The following TMIGD1 variants were observed in gnomAD, a reference collection of about 807,000 sequenced individuals.
The protein encoded by TMIGD1 is transmembrane and immunoglobulin domain-containing protein 1.
Under a neutral mutation model 27.5 loss-of-function variants are expected in TMIGD1, and 29 were observed. The observed-to-expected ratio is 1.05, with a 90% CI of 0.78 to 1.44. The LOEUF is 1.44. Among genes scored for constraint, TMIGD1 ranks in the 40% most tolerant of loss-of-function variants. The probability of loss-of-function intolerance (pLI) is 0.00; values close to 1 mark genes in which losing one functional copy is unlikely to be tolerated. For missense variants in TMIGD1, 334 were observed against 310.6 expected, an observed-to-expected ratio of 1.08 and a Z score of -0.57; for synonymous variants, 109 against 110.3, an observed-to-expected ratio of 0.99 and a Z score of 0.07.
Position 30,333,582 on chromosome 17 carries a change from C to T in TMIGD1, c.-26+418G>A, listed in dbSNP as rs550265545. 1.9e-4 allele frequency among the ~76,000 whole-genome samples: 29 copies of T among 152,308 alleles called. No individual in the cohort carries two copies. In the East Asian group the frequency reaches 5.0e-3, roughly 26 times the overall value. ...TATACCTATACCTACTCTACTCCTC[C>T]CCTGTCCCAGGCGTGCCCTGACAGG... On this transcript the variant is annotated intron_variant, in intron 1 of 6. Transcript: ENST00000328886.
At chr17:30,332,289 G>T in intron 1 of TMIGD1, 131 bp from the exon 2 acceptor site, 1 of 532,792 alleles carries the variant, frequency 1.9e-6, no homozygotes. Flanking sequence ...ACTACTTCTA[G>T]CTTTTAATTA....
At chr17:30,331,981 C>T in intron 2 of TMIGD1, 71 bp downstream of exon 2, 3 of 965,816 alleles carry the variant, frequency 3.1e-6, no homozygotes, top group Admixed American at 1.9e-5. Flanking sequence ...ATATCCAATG[C>T]CCATTGATCA....
chr17:30,318,913 T>C lies in TMIGD1; in HGVS notation c.641A>G (p.Asp214Gly). The change falls in exon 5 of 7, where the codon GAT (aspartate) becomes GGT (glycine). Residue 214 changes from aspartate (D) to glycine (G), a missense_variant and splice_region_variant. Transcript: ENST00000328886. ...CTCTATTGGTACACCCACAGTTTTATCTGTAGGAAATGCAAACACAGGGAA... is the reference window on the plus strand; with the variant it reads ...CTCTATTGGTACACCCACAGTTTTACCTGTAGGAAATGCAAACACAGGGAA... Reference protein sequence around the residue: ...ESLDFHLIVKDKTVGVPIEPI... With the variant: ...ESLDFHLIVKGKTVGVPIEPI... 1 of 1,605,962 alleles carries C rather than the reference T, an allele frequency of 6.2e-7. No homozygotes were observed. The highest frequency in any genetic ancestry group is 1.3e-5 in the African/African-American group (1 of 74,910).
At chr17:30,329,588 A>G (rs1164903928) in intron 2 of TMIGD1, 59 bp from the exon 3 acceptor site, 3 of 1,446,228 alleles carry the variant, frequency 2.1e-6, no homozygotes, top group Non-Finnish European at 2.8e-6. Flanking sequence ...AATGCTCATG[A>G]ACAGGGGATT....
intron 4 of TMIGD1, among the ~76,000 whole-genome samples, chr17:30,321,399 CGGG>C (rs1342477716): frequency 6.6e-6 from 1 of 152,166 alleles, no homozygotes; most frequent in Non-Finnish European, 1.5e-5. Context: ...CATCCAACGA[CGGG>C]AAGGAGCTTC....
chr17:30,329,645 C>T (rs926558538), intron 2 of TMIGD1, 116 bp from the exon 3 acceptor site: 77 of 725,410 alleles, frequency 1.1e-4, no homozygotes, highest in Middle Eastern at 8.2e-4. Context: ...AAACTCTCAA[C>T]GATTAAAAAT....
At chr17:30,323,492 T>C (rs546046598) in intron 4 of TMIGD1, among the ~76,000 whole-genome samples, 2 of 152,186 alleles carry the variant, frequency 1.3e-5, no homozygotes, top group Admixed American at 1.3e-4. Context: ...CCGTGGGAAG[T>C]AGCTAAGCAA....
At chr17:30,333,475 A>G (rs1194520062) in intron 1 of TMIGD1, among the ~76,000 whole-genome samples, 2 of 151,870 alleles carry the variant, frequency 1.3e-5, no homozygotes, top group Admixed American at 6.6e-5. Context: ...AAATAAAAAA[A>G]AGCTGCTGTT....
intron 1 of TMIGD1, among the ~76,000 whole-genome samples, chr17:30,332,854 A>G (rs1031765420): frequency 1.3e-5 from 2 of 152,234 alleles, no homozygotes; most frequent in Admixed American, 6.5e-5. Flanking sequence ...GAGTACTACT[A>G]TAAATATAGC....
intron 5 of TMIGD1, among the ~76,000 whole-genome samples, chr17:30,317,759 C>CAA (rs35218105): frequency 2.9e-4 from 41 of 140,350 alleles, no homozygotes; most frequent in East Asian, 1.7e-3. Context: ...GAATCCATCT[C>CAA]AAAAAAAAAA....
At chr17:30,328,967 TC>T (rs1279329121) in intron 3 of TMIGD1, among the ~76,000 whole-genome samples, 2 of 44,264 alleles carry the variant, frequency 4.5e-5, no homozygotes, top group Non-Finnish European at 8.9e-5. Context: ...AGACTCTGTC[TC>T]AAAAAAAAAA....
intron 3 of TMIGD1, among the ~76,000 whole-genome samples, chr17:30,327,048 A>ACACC (rs920253149): frequency 1.8e-4 from 24 of 135,214 alleles, no homozygotes; most frequent in African/African-American, 6.9e-4. Flanking sequence ...TTAACTATAC[A>ACACC]CACACACACA....
At chr17:30,327,568 TA>T (rs1200449036) in intron 3 of TMIGD1, among the ~76,000 whole-genome samples, 1 of 151,920 alleles carries the variant, frequency 6.6e-6, no homozygotes, top group Non-Finnish European at 1.5e-5. Flanking sequence ...TATTTTATTT[TA>T]TTTTTTTTGA....
intron 4 of TMIGD1, among the ~76,000 whole-genome samples, chr17:30,322,705 T>G (rs1370752954): frequency 6.6e-6 from 1 of 152,152 alleles, no homozygotes; most frequent in Non-Finnish European, 1.5e-5. Flanking sequence ...TTTCACCATA[T>G]TGGTCAGGCT....
intron 4 of TMIGD1, among the ~76,000 whole-genome samples, chr17:30,321,165 T>C (rs1043590688): frequency 4.8e-5 from 7 of 145,252 alleles, no homozygotes; most frequent in African/African-American, 1.8e-4. Context: ...GCCAACCCCT[T>C]TTTTTTTTTT....
At chr17:30,328,557 A>C (rs566442368) in intron 3 of TMIGD1, among the ~76,000 whole-genome samples, 1 of 152,184 alleles carries the variant, frequency 6.6e-6, no homozygotes, top group Non-Finnish European at 1.5e-5. Context: ...CATAAAACCC[A>C]ACGGAAAAAA....
intron 4 of TMIGD1, among the ~76,000 whole-genome samples, chr17:30,319,261 A>AAAAATATATATATAT: frequency 1.4e-4 from 10 of 69,044 alleles, no homozygotes; most frequent in African/African-American, 3.6e-4. Context: ...AAAAAAAAAA[A>AAAAATATATATATAT]ATATATATAT....
chr17:30,325,024 A>C lies in TMIGD1; in HGVS notation c.432T>G (p.Asn144Lys), dbSNP rs540938466. ...TTTGAGCCTGGGGGTTGGCTTTCAC[A>C]TTGCAAACCAACTTCACATTACTGC... ...EEGSNVKLVC[N>K]VKANPQAQMM... The change falls in exon 4 of 7, where the codon AAT (asparagine) becomes AAG (lysine). Residue 144 changes from asparagine to lysine, a missense_variant. By Grantham distance (94) the Asn-to-Lys change is moderately conservative (BLOSUM62 0). Transcript: ENST00000328886. 3 of 1,614,000 alleles carry C rather than the reference A, an allele frequency of 1.9e-6. No individual in the cohort carries two copies. The highest frequency in any genetic ancestry group is 1.3e-5 in the African/African-American group (1 of 74,926).
intron 1 of TMIGD1, 128 bp from the exon 2 acceptor site, chr17:30,332,286 C>G: frequency 1.9e-6 from 1 of 539,324 alleles, no homozygotes; most frequent in East Asian, 3.2e-5. Context: ...GGTACTACTT[C>G]TAGCTTTTAA....
Sources: allele counts gnomAD v4.1 joint callset (sites outside exome capture counted in the v4.1 genomes callset), GRCh38; gene constraint gnomAD v4.1.1; transcripts MANE v1.5; gene names NCBI Gene and HGNC (gene_info 2026-07-23, HGNC 2026-07-21).